Variants in SLC28A1 observed in about 807,000 individuals in gnomAD.
SLC28A1 encodes solute carrier family 28 member 1, also known as sodium/nucleoside cotransporter 1.
In SLC28A1, 64 loss-of-function variants were observed where a neutral mutation model predicts 74.8. The observed-to-expected ratio is 0.86, with a 90% CI of 0.70 to 1.05. The LOEUF (loss-of-function observed/expected upper bound fraction) is 1.05, where lower values mean the gene tolerates loss of function less well. Ranked by LOEUF, SLC28A1 falls within the 50% of genes least tolerant of loss-of-function variation. The pLI is 0.00. For synonymous variants in SLC28A1, 359 were observed against 335.0 expected (o/e 1.07, Z -0.78); for missense variants, 828 against 822.8 (o/e 1.01, Z -0.08).
At chr15:84,931,490 CAA>C (rs71135334) in intron 12 of SLC28A1, among the ~76,000 whole-genome samples, 61,140 of 139,586 alleles carry the variant, frequency 0.44, 14,098 homozygotes, top group East Asian at 0.87. Context: ...ACTGAAAATA[CAA>C]AAAAAAAAAA....
chr15:84,940,853 G>C, intron 15 of SLC28A1: 1 of 187,126 alleles, frequency 5.3e-6, no homozygotes, highest in Admixed American at 5.0e-5. Context: ...CCTCTTGGGC[G>C]CATTGGGATG....
chr15:84,901,343 C>T (rs1467241245), intron 6 of SLC28A1, among the ~76,000 whole-genome samples: 1 of 152,138 alleles, frequency 6.6e-6, no homozygotes, highest in South Asian at 2.1e-4. Context: ...CCCATCTCTA[C>T]TAAAAATACA....
At chr15:84,898,771 C>T (rs1247413860) in intron 6 of SLC28A1, among the ~76,000 whole-genome samples, 2 of 152,026 alleles carry the variant, frequency 1.3e-5, no homozygotes, top group East Asian at 3.9e-4. Context: ...ATGAGTTTAG[C>T]CCTACGGTCT....
chr15:84,904,106 T>C lies in SLC28A1; in HGVS notation c.471T>C (p.Ala157=). The C allele has an allele frequency of 1.2e-6, 2 of 1,614,224 alleles. No homozygotes were observed. The highest frequency in any genetic ancestry group is 1.3e-5 in the African/African-American group (1 of 75,052). Residue 157 remains alanine (A), a synonymous_variant, in exon 7 of 19, where the codon GCT becomes GCC. Transcript: ENST00000394573. Reference sequence around the variant, plus strand: ...TGTCTCTTGCCTGCAGGGGTCTAGCTCTTGCTGCTTTCCTGGGCCTGGTCC... The same window carrying C: ...TGTCTCTTGCCTGCAGGGGTCTAGCCCTTGCTGCTTTCCTGGGCCTGGTCC... ...RLLLWFKRGL[A]LAAFLGLVLW...
chr15:84,934,843 G>A lies in SLC28A1; in HGVS notation c.1215-183G>A, dbSNP rs74024764. ...TGGCTTCCATCTTGGACAGTTCAGC[G>A]TTAGAAACCTGGATCTTATCCCGGT... is the stretch of plus-strand genomic sequence containing the variant. On this transcript the variant is annotated intron_variant, in intron 13 of 18. Transcript: ENST00000394573. Among the ~76,000 whole-genome samples, 541 of 152,272 alleles carry A rather than the reference G, an allele frequency of 3.6e-3. 1 individual carries two copies. Among genetic ancestry groups the A allele is most frequent in the African/African-American group, 0.012 (494 of 41,566 alleles).
At position 84,895,086 on chromosome 15, in the gene SLC28A1, C is replaced by A; in HGVS notation, c.424C>A (p.Pro142Thr). The change falls in exon 6 of 19, where the codon CCT (proline) becomes ACT (threonine). Residue 142 changes from proline (P) to threonine (T), a missense_variant. This residue lies in a region of SLC28A1 where 767 missense variants were observed against 753.5 expected (regional missense o/e 1.02). Coordinates refer to ENST00000394573, the MANE Select transcript of SLC28A1 (RefSeq NM_004213.5). The part of the protein sequence containing the change: ...LGPKLRRFLK[P>T]QGHPRLLLWF... ...GCCAAAGCTGAGGAGGTTTCTCAAGCCTCAGGGCCATCCCCGCCTGCTGCT... is the reference window on the plus strand; with the variant it reads ...GCCAAAGCTGAGGAGGTTTCTCAAGACTCAGGGCCATCCCCGCCTGCTGCT... 4 of 1,610,072 alleles carry A rather than the reference C, an allele frequency of 2.5e-6. No homozygotes were observed. Among genetic ancestry groups the A allele is most frequent in the East Asian group, 2.2e-5 (1 of 44,822 alleles).
rs560631758 is a variant in SLC28A1 at position 84,895,396 on chromosome 15, C to A, written c.461+273C>A. The A allele has an allele frequency of 1.5e-5, 25 of 1,614,022 alleles. No homozygotes were observed. The African/African-American group carries it at 2.9e-4, about 19-fold the overall frequency. On this transcript the variant is annotated intron_variant, in intron 6 of 18. Transcript: ENST00000394573. ...CATTCAGGGATCCCAGGCCATGGAG[C>A]AAGGAGGGCCCGAATCAGTACCTCC... is the stretch of plus-strand genomic sequence containing the variant.
At chr15:84,948,310 G>A (rs1188200262), downstream of SLC28A1, among the ~76,000 whole-genome samples, 1 of 152,120 alleles carries the variant, frequency 6.6e-6, no homozygotes, top group Non-Finnish European at 1.5e-5. Flanking sequence ...GGTTGGACAG[G>A]ACCTTAAACA....
intron 5 of SLC28A1, among the ~76,000 whole-genome samples, chr15:84,893,729 G>A (rs111931981): frequency 3.5e-4 from 53 of 152,222 alleles, no homozygotes; most frequent in Non-Finnish European, 5.4e-4. Flanking sequence ...CAGGCCTCTC[G>A]TGGAGACTAG....
chr15:84,908,473 T>G (rs1406556218), intron 8 of SLC28A1, among the ~76,000 whole-genome samples: 10 of 152,100 alleles, frequency 6.6e-5, no homozygotes, highest in Non-Finnish European at 1.3e-4. Flanking sequence ...TGTGAGCCAC[T>G]GCACCCAGCC....
chr15:84,904,317 G>C (rs373243294), intron 7 of SLC28A1, 79 bp downstream of exon 7: 1 of 1,600,038 alleles, frequency 6.2e-7, no homozygotes, highest in Non-Finnish European at 8.5e-7. Flanking sequence ...GGGAGCTGGG[G>C]TATAGGCAGA....
chr15:84,932,208 A>G (rs1212235306), intron 12 of SLC28A1, among the ~76,000 whole-genome samples: 2 of 152,004 alleles, frequency 1.3e-5, no homozygotes, highest in African/African-American at 2.4e-5. Context: ...GATGACCATC[A>G]TTTTCAATGA....
Position 84,911,151 on chromosome 15 carries a change from G to A in SLC28A1, c.795+2356G>A, listed in dbSNP as rs139338187. The stretch of plus-strand genomic sequence containing the variant: ...GCCTTCCCCCGCCCACCACTGGCCC[G>A]CGTCTCTCCTGCGTCATTGCTGGGC... On this transcript the variant is annotated intron_variant, in intron 9 of 18. Coordinates refer to ENST00000394573, the MANE Select transcript of SLC28A1 (RefSeq NM_004213.5). 3.1e-3 allele frequency among the ~76,000 whole-genome samples: 478 copies of A among 152,334 alleles called. 2 individuals carry two copies. The highest frequency in any genetic ancestry group is 8.2e-3 in the Admixed American group (126 of 15,304).
chr15:84,904,184 A>G lies in SLC28A1; in HGVS notation c.549A>G (p.Ala183=), dbSNP rs768616965. Residue 183 remains alanine (A), a synonymous_variant, in exon 7 of 19, where the codon GCA becomes GCG. Coordinates refer to ENST00000394573, the MANE Select transcript of SLC28A1 (RefSeq NM_004213.5). ...GGCCTGAGCAACTGGTGTCCTTCGC[A>G]GGAATCTGCGTGTTCGTCGCTCTCC... ...SQRPEQLVSF[A]GICVFVALLF... The G allele has an allele frequency of 1.9e-6, 3 of 1,614,182 alleles. No homozygotes were observed. In the South Asian group the frequency reaches 3.3e-5, roughly 18 times the overall value.
intron 15 of SLC28A1, among the ~76,000 whole-genome samples, chr15:84,937,543 C>T (rs956872287): frequency 2.0e-5 from 3 of 152,210 alleles, no homozygotes; most frequent in Non-Finnish European, 4.4e-5. Flanking sequence ...CAATGGGAAG[C>T]CCTTTCTCTT....
intron 5 of SLC28A1, among the ~76,000 whole-genome samples, chr15:84,890,881 G>C (rs975590978): frequency 2.6e-5 from 4 of 152,190 alleles, no homozygotes; most frequent in Admixed American, 6.5e-5. Flanking sequence ...GGAGGTGATA[G>C]ATACTAAGGA....
intron 7 of SLC28A1, among the ~76,000 whole-genome samples, chr15:84,904,666 A>G (rs914047927): frequency 6.6e-6 from 1 of 152,224 alleles, no homozygotes; most frequent in Non-Finnish European, 1.5e-5. Flanking sequence ...CGGCGCCTCC[A>G]TGGAACTTGC....
chr15:84,933,098 C>T (rs577370324), intron 12 of SLC28A1, 47 bp from the exon 13 acceptor site: 13 of 1,608,338 alleles, frequency 8.1e-6, no homozygotes, highest in Non-Finnish European at 1.1e-5. Context: ...TGGTCGCCAG[C>T]ATTTCTTCTG....
chr15:84,906,975 G>A (rs567285255), intron 8 of SLC28A1, among the ~76,000 whole-genome samples: 192 of 152,292 alleles, frequency 1.3e-3, no homozygotes, highest in Admixed American at 2.7e-3. Flanking sequence ...GTGTTCCGAT[G>A]AGTTGAGTGG....
Sources: allele counts gnomAD v4.1 joint callset (sites outside exome capture counted in the v4.1 genomes callset), GRCh38; gene constraint gnomAD v4.1.1; regional missense constraint gnomAD v4.1.1; transcripts MANE v1.5; gene names NCBI Gene and HGNC (gene_info 2026-07-23, HGNC 2026-07-21).